Variants in MAN1B1 observed in about 807,000 individuals in gnomAD.
MAN1B1 encodes the protein mannosidase alpha class 1B member 1, also known as endoplasmic reticulum mannosyl-oligosaccharide 1,2-alpha-mannosidase.
In MAN1B1, 66 loss-of-function variants were observed where a neutral mutation model predicts 75.5. The ratio of observed to expected loss-of-function variants is 0.87; its 90% CI spans 0.72 to 1.07. The LOEUF is 1.07. MAN1B1 is among the 50% of genes least tolerant of loss of function. The pLI is 0.00. For missense variants in MAN1B1, 973 were observed against 912.5 expected (o/e 1.07, Z -0.85); for synonymous variants, 453 against 382.8 (o/e 1.18, Z -2.14).
At chr9:137,106,929 G>A in intron 10 of MAN1B1, 120 bp downstream of exon 10, 5 of 1,386,812 alleles carry the variant, frequency 3.6e-6, no homozygotes, top group Non-Finnish European at 4.9e-6. Flanking sequence ...GAGGCCCTGG[G>A]TGGACCGTGG....
intron 10 of MAN1B1, 35 bp downstream of exon 10, chr9:137,106,844 C>A (rs377050829): frequency 2.0e-5 from 32 of 1,608,974 alleles, no homozygotes; most frequent in Non-Finnish European, 2.5e-5. Flanking sequence ...GGCCGCCGCC[C>A]CTTTTACCTT....
intron 3 of MAN1B1, among the ~76,000 whole-genome samples, chr9:137,094,623 A>T (rs1830608330): frequency 6.6e-6 from 1 of 151,970 alleles, no homozygotes; most frequent in Non-Finnish European, 1.5e-5. Context: ...TCATGCCTGT[A>T]ATCCCAGCGC....
intron 7 of MAN1B1, 145 bp from the exon 8 acceptor site, chr9:137,101,339 T>C: frequency 9.3e-7 from 1 of 1,074,642 alleles, no homozygotes; most frequent in Non-Finnish European, 1.4e-6. Context: ...GTAGAGACAT[T>C]CACTCAGTGC....
intron 3 of MAN1B1, among the ~76,000 whole-genome samples, chr9:137,091,470 C>T (rs941307293): frequency 1.3e-5 from 2 of 151,312 alleles, no homozygotes; most frequent in Admixed American, 6.6e-5. Context: ...TAGGCCAGAT[C>T]CCTTTCTGTT....
intron 5 of MAN1B1, among the ~76,000 whole-genome samples, chr9:137,098,485 G>C (rs761733977): frequency 5.2e-4 from 79 of 152,176 alleles, no homozygotes; most frequent in Admixed American, 2.1e-3. Flanking sequence ...GCTGAGTCTG[G>C]AGCCCTGCTC....
chr9:137,101,720 T>C (rs1830818974), intron 8 of MAN1B1, 48 bp downstream of exon 8: 1 of 1,576,572 alleles, frequency 6.3e-7, no homozygotes, highest in African/African-American at 1.3e-5. Context: ...TGGAGCTACC[T>C]TTTGCTCATC....
rs1830822241 is a variant in MAN1B1, at chr9:137,101,813, C to T, written c.1254+141C>T. 3.8e-6 allele frequency: 4 copies of T among 1,049,912 alleles called. 1 individual carries two copies. The South Asian group carries it at 5.4e-5, about 14-fold the overall frequency. The allele number at this position is 1,049,912 out of a possible 1,614,324, so 65.0% of individuals were successfully genotyped here. A position where few individuals can be genotyped will look rare whatever the true frequency, so the allele number is the denominator to read the frequency against. The stretch of plus-strand genomic sequence containing the variant: ...TGATAAAACACACAAAACGCACCAC[C>T]TTAACCATTTCCAGGCGTGGTCGGT... On this transcript the variant is annotated intron_variant, in intron 8 of 12. Coordinates refer to ENST00000371589, the MANE Select transcript of MAN1B1 (RefSeq NM_016219.5).
chr9:137,106,885 A>G (rs1831129697), intron 10 of MAN1B1, 76 bp downstream of exon 10: 18 of 1,484,352 alleles, frequency 1.2e-5, no homozygotes, highest in Non-Finnish European at 1.5e-5. Context: ...CATGATGTCA[A>G]AAAGAACGAA....
intron 1 of MAN1B1, 30 bp downstream of exon 1, chr9:137,087,248 C>G: frequency 1.3e-6 from 2 of 1,549,768 alleles, no homozygotes; most frequent in Non-Finnish European, 8.7e-7. Flanking sequence ...GACTGGGGCC[C>G]GGGGCTGCCG....
At position 137,088,882 on chromosome 9, in the gene MAN1B1, G is replaced by A; in HGVS notation, c.342G>A (p.Arg114=). 6.8e-6 allele frequency: 11 copies of A among 1,613,938 alleles called. No individual in the cohort carries two copies. The highest frequency in any genetic ancestry group is 1.1e-5 in the South Asian group (1 of 91,078). Residue 114 remains arginine, a synonymous_variant, in exon 3 of 13, where the codon AGG becomes AGA. Coordinates refer to ENST00000371589, the MANE Select transcript of MAN1B1 (RefSeq NM_016219.5). ...LADHWKALAF[R]LEEEQKMRPE... is the part of the protein sequence containing the mutation. Reference sequence around the variant, plus strand: ...TCTGTTATTCAGCTCTGGCTTTCAGGCTAGAGGAAGAGCAGAAGATGAGGC... The same window carrying A: ...TCTGTTATTCAGCTCTGGCTTTCAGACTAGAGGAAGAGCAGAAGATGAGGC...
intron 3 of MAN1B1, among the ~76,000 whole-genome samples, chr9:137,092,361 T>A (rs1337142536): frequency 1.3e-5 from 2 of 150,426 alleles, no homozygotes; most frequent in Non-Finnish European, 2.9e-5. Context: ...TAATAATAAT[T>A]TTATTTGGAT....
At chr9:137,105,898 T>G in intron 8 of MAN1B1, 1 of 679,352 alleles carries the variant, frequency 1.5e-6, no homozygotes, top group Non-Finnish European at 2.7e-6. Flanking sequence ...GACCACCCGT[T>G]GGGAGCAGTG....
At chr9:137,088,806 AG>A (rs749774892) in intron 2 of MAN1B1, 62 bp from the exon 3 acceptor site, 110 of 1,577,634 alleles carry the variant, frequency 7.0e-5, no homozygotes, top group Non-Finnish European at 9.2e-5. Flanking sequence ...GTTTTTATAA[AG>A]CAGTTTAAAT....
chr9:137,093,884 T>C (rs1830585048), intron 3 of MAN1B1, among the ~76,000 whole-genome samples: 1 of 152,064 alleles, frequency 6.6e-6, no homozygotes, highest in African/African-American at 2.4e-5. Context: ...TGTAAATCCA[T>C]TGACTCCCTA....
rs1473784305 is a variant in MAN1B1, at chr9:137,089,019, A to G, written c.465+14A>G. 1.2e-6 allele frequency: 2 copies of G among 1,613,776 alleles called. No individual in the cohort carries two copies. Among genetic ancestry groups the G allele is most frequent in the African/African-American group, 2.7e-5 (2 of 74,926 alleles). ...ATTTCGTCACAGGTACTTTGAGCAA[A>G]TGGTGTGGGGTTATAACTGGGGTTC... is the stretch of plus-strand genomic sequence containing the variant. On this transcript the variant is annotated intron_variant, in intron 3 of 12. Coordinates refer to ENST00000371589, the MANE Select transcript of MAN1B1 (RefSeq NM_016219.5).
In MAN1B1 at chr9:137,101,541, T is replaced by C; in HGVS notation, c.1123T>C (p.Ser375Pro). The change falls in exon 8 of 13, where the codon TCG becomes CCG. Residue 375 changes from serine (S) to proline (P), a missense_variant. Transcript: ENST00000371589. Reference protein sequence around the residue: ...AFRTPSKIPYSDVNIGTGVAH... With the variant: ...AFRTPSKIPYPDVNIGTGVAH... ...CAGAACACCATCCAAGATTCCTTAC[T>C]CGGATGTGAACATCGGTACTGGAGT... 6.2e-7 allele frequency: 1 copy of C among 1,613,936 alleles called. No individual in the cohort carries two copies. The highest frequency in any genetic ancestry group is 8.5e-7 in the Non-Finnish European group (1 of 1,180,048).
In MAN1B1 at chr9:137,102,339, G is replaced by A. The variant is rs569368933; in HGVS notation, c.1254+667G>A. The A allele has an allele frequency of 1.1e-4, 49 of 441,720 alleles. 1 individual carries two copies. The highest frequency in any genetic ancestry group is 3.3e-4 in the Middle Eastern group (1 of 2,996). 27.4% of individuals were successfully genotyped at this position (441,720 alleles called of 1,614,324 possible). A position where few individuals can be genotyped will look rare whatever the true frequency, so the allele number is the denominator to read the frequency against. The stretch of plus-strand genomic sequence containing the variant: ...GTTACACATTCACGCTGTTGCAGGC[G>A]TGCAGGTCGGTGGTGTTACATTCAC... On this transcript the variant is annotated intron_variant, in intron 8 of 12. Transcript: ENST00000371589.
Position 137,101,130 on chromosome 9 carries a change from G to T in MAN1B1, c.1042G>T (p.Asp348Tyr), listed in dbSNP as rs184782012. 3 of 1,614,068 alleles carry T rather than the reference G, an allele frequency of 1.9e-6. No individual in the cohort carries two copies. Among genetic ancestry groups the T allele is most frequent in the Non-Finnish European group, 2.5e-6 (3 of 1,180,036 alleles). ...GLLSAYHLSG[D>Y]SLFLRKAEDF... is the part of the protein sequence containing the mutation. ...CCTGAGTGCCTACCACCTGTCTGGG[G>T]ACAGCCTCTTCCTGAGGAAAGCTGT... The change falls in exon 7 of 13, where the codon GAC (aspartate) becomes TAC (tyrosine). Residue 348 changes from aspartate (D) to tyrosine (Y), a missense_variant. Transcript: ENST00000371589.
At position 137,102,439 on chromosome 9, in the gene MAN1B1, A is replaced by T. The variant is rs200939884; in HGVS notation, c.1254+767A>T. ...TGCAGGTTGGTGGTGTTACATTCACACTGTTGCAGGCGTGCAGGTCGGTGG... is the reference window on the plus strand; with the variant it reads ...TGCAGGTTGGTGGTGTTACATTCACTCTGTTGCAGGCGTGCAGGTCGGTGG... On this transcript the variant is annotated intron_variant, in intron 8 of 12. Coordinates refer to ENST00000371589, the MANE Select transcript of MAN1B1 (RefSeq NM_016219.5). 4.3e-4 allele frequency: 174 copies of T among 409,066 alleles called. 4 individuals carry two copies. Among genetic ancestry groups the T allele is most frequent in the Non-Finnish European group, 7.1e-5 (15 of 212,178 alleles). The allele number at this position is 409,066 out of a possible 1,614,324, so 25.3% of individuals were successfully genotyped here.
Sources: allele counts gnomAD v4.1 joint callset (sites outside exome capture counted in the v4.1 genomes callset), GRCh38; gene constraint gnomAD v4.1.1; transcripts MANE v1.5; gene names NCBI Gene and HGNC (gene_info 2026-07-23, HGNC 2026-07-21).